Variants in PLBD1 observed in about 807,000 individuals in gnomAD.
PLBD1 encodes the protein lysosomal leucine aminopeptidase.
A neutral mutation model predicts 63.0 loss-of-function variants in PLBD1; 60 were observed. The observed-to-expected ratio is 0.95, with a 90% CI of 0.77 to 1.18. The LOEUF (loss-of-function observed/expected upper bound fraction) is 1.18, where lower values mean the gene tolerates loss of function less well. Ranked by LOEUF, PLBD1 falls within the 50% of genes most tolerant of loss-of-function variation. The pLI is 0.00. For synonymous variants in PLBD1, 262 were observed against 248.0 expected (o/e 1.06, Z -0.53); for missense variants, 598 against 677.9 (o/e 0.88, Z 1.31).
rs559570347 is a variant in PLBD1 at position 14,554,305 on chromosome 12, T to C, written c.116-893A>G. ...CACCTTTAGGAACTCTGTTCTATCT[T>C]GTATCCTCTCGCTTCTGTGCCCTAA... On this transcript the variant is annotated intron_variant, in intron 1 of 10. Coordinates refer to ENST00000240617, the MANE Select transcript of PLBD1 (RefSeq NM_024829.6). 6 of 152,300 alleles carry C rather than the reference T, an allele frequency of 3.9e-5. No homozygotes were observed. In the East Asian group the frequency reaches 1.2e-3, roughly 30 times the overall value. The allele number at this position is 152,300 out of a possible 1,614,324, so 9.4% of individuals were successfully genotyped here.
chr12:14,504,080 G>A (rs201945041), intron 10 of PLBD1, 126 bp from the exon 11 acceptor site: 34 of 883,826 alleles, frequency 3.8e-5, no homozygotes, highest in East Asian at 2.4e-4. Context: ...TCGGAGTTTC[G>A]CTCTTGTTGC....
At chr12:14,535,638 T>C in intron 6 of PLBD1, 21 bp downstream of exon 6, 1 of 1,612,950 alleles carries the variant, frequency 6.2e-7, no homozygotes, top group Non-Finnish European at 8.5e-7. Context: ...AGTGCTCAGA[T>C]GTTCCTTTAA....
chr12:14,504,984 T>TTG (rs1249086770), intron 10 of PLBD1, among the ~76,000 whole-genome samples: 25 of 152,340 alleles, frequency 1.6e-4, no homozygotes, highest in African/African-American at 5.5e-4. Context: ...GTGATTTTCT[T>TTG]TGTGTATTCT....
chr12:14,527,405 A>T (rs926706050), intron 6 of PLBD1, among the ~76,000 whole-genome samples: 4 of 152,186 alleles, frequency 2.6e-5, no homozygotes, highest in African/African-American at 9.6e-5. Context: ...TTGACAGAGG[A>T]TACATGCTCC....
At chr12:14,507,572 G>A (rs1395293423) in intron 8 of PLBD1, among the ~76,000 whole-genome samples, 3 of 152,168 alleles carry the variant, frequency 2.0e-5, no homozygotes, top group Admixed American at 2.0e-4. Flanking sequence ...CATAGCACTG[G>A]GAATAGAAAG....
chr12:14,517,549 A>G (rs1945346365), intron 6 of PLBD1, among the ~76,000 whole-genome samples: 1 of 152,162 alleles, frequency 6.6e-6, no homozygotes, highest in African/African-American at 2.4e-5. Flanking sequence ...CTTTGCACCC[A>G]GTCCTCAACC....
rs759155370 is a variant in PLBD1, at chr12:14,507,087, A to G, written c.1218T>C (p.His406=). 3 of 1,612,458 alleles carry G rather than the reference A, an allele frequency of 1.9e-6. No individual in the cohort carries two copies. In the East Asian group the frequency reaches 6.7e-5, roughly 36 times the overall value. Residue 406 remains histidine, a synonymous_variant, in exon 9 of 11, where the codon CAT becomes CAC. Transcript: ENST00000240617. ...AGCCACTCCAGTTGTAGATTTTTTC[A>G]TGGAAAGGAACATTGTAGGAGGGCC... The part of the protein sequence containing the change: ...GYWPSYNVPF[H]EKIYNWSGYP...
chr12:14,521,770 A>G (rs1945378585), intron 6 of PLBD1, among the ~76,000 whole-genome samples: 4 of 152,178 alleles, frequency 2.6e-5, no homozygotes. Context: ...GATACCACCA[A>G]AAAAACACAA....
At chr12:14,553,050 T>C (rs376081728) in intron 2 of PLBD1, 143 bp downstream of exon 2, 6 of 796,958 alleles carry the variant, frequency 7.5e-6, no homozygotes, top group African/African-American at 5.2e-5. Flanking sequence ...AAAAATGCAA[T>C]TCTGATAATG....
intron 2 of PLBD1, among the ~76,000 whole-genome samples, 182 bp from the exon 3 acceptor site, chr12:14,542,473 G>A (rs1340358537): frequency 2.0e-5 from 3 of 151,976 alleles, no homozygotes; most frequent in Non-Finnish European, 4.4e-5. Context: ...ATATAGAAAA[G>A]GATAGAATAT....
At chr12:14,540,607 G>A (rs1001455309) in intron 4 of PLBD1, among the ~76,000 whole-genome samples, 157 bp downstream of exon 4, 2 of 152,118 alleles carry the variant, frequency 1.3e-5, no homozygotes, top group African/African-American at 2.4e-5. Context: ...TGTAAGTTAG[G>A]TGCTGCAATA....
intron 6 of PLBD1, among the ~76,000 whole-genome samples, chr12:14,518,471 T>A (rs547903040): frequency 6.6e-6 from 1 of 152,326 alleles, no homozygotes; most frequent in Admixed American, 6.5e-5. Context: ...TTGCTTACAA[T>A]TCCTGAACAT....
chr12:14,563,572 C>A (rs1339625865), intron 1 of PLBD1, among the ~76,000 whole-genome samples: 2 of 152,114 alleles, frequency 1.3e-5, no homozygotes, highest in Non-Finnish European at 2.9e-5. Flanking sequence ...CATCTTCAAT[C>A]CTGCCTGCCT....
intron 1 of PLBD1, among the ~76,000 whole-genome samples, chr12:14,566,351 G>T (rs559209861): frequency 1.1e-3 from 160 of 152,318 alleles, no homozygotes; most frequent in Non-Finnish European, 2.0e-3. Flanking sequence ...GAAGGCTCTT[G>T]ATGATGGAAG....
At chr12:14,561,690 G>A (rs1246358978) in intron 1 of PLBD1, among the ~76,000 whole-genome samples, 4 of 152,184 alleles carry the variant, frequency 2.6e-5, no homozygotes, top group African/African-American at 7.2e-5. Flanking sequence ...GAGTAGCTGG[G>A]ATCACAAGCG....
chr12:14,531,164 T>C (rs1414459542), intron 6 of PLBD1: 1 of 152,262 alleles, frequency 6.6e-6, no homozygotes, highest in South Asian at 2.1e-4. Flanking sequence ...CAATCTGTTT[T>C]GTCTATTGTC....
chr12:14,504,947 T>G (rs1475832235), intron 10 of PLBD1, among the ~76,000 whole-genome samples: 1 of 152,210 alleles, frequency 6.6e-6, no homozygotes, highest in Non-Finnish European at 1.5e-5. Context: ...AAGCTTGGCT[T>G]GAGTTCTCCC....
intron 6 of PLBD1, 70 bp from the exon 7 acceptor site, chr12:14,511,781 G>C: frequency 7.0e-7 from 1 of 1,427,580 alleles, no homozygotes; most frequent in Non-Finnish European, 9.8e-7. Flanking sequence ...TATTGACAAA[G>C]AGCTTTACAT....
chr12:14,542,331 T>C, intron 2 of PLBD1, 40 bp from the exon 3 acceptor site: 1 of 1,448,878 alleles, frequency 6.9e-7, no homozygotes, highest in Non-Finnish European at 9.7e-7. Context: ...TATATTTTTC[T>C]TCTTGGATTT....
Sources: allele counts gnomAD v4.1 joint callset (sites outside exome capture counted in the v4.1 genomes callset), GRCh38; gene constraint gnomAD v4.1.1; transcripts MANE v1.5; gene names NCBI Gene and HGNC (gene_info 2026-07-23, HGNC 2026-07-21).